Variants in AP2B1 observed in about 807,000 individuals in gnomAD.
AP2B1 encodes the protein AP-2 complex subunit beta.
Under a neutral mutation model 102.0 loss-of-function variants are expected in AP2B1, and 23 were observed. The ratio of observed to expected loss-of-function variants is 0.23; its 90% confidence interval spans 0.16 to 0.32. The LOEUF (loss-of-function observed/expected upper bound fraction) is 0.32. Among genes scored for constraint, AP2B1 ranks in the 10% least tolerant of loss-of-function variants. The pLI, the probability that AP2B1 is intolerant of heterozygous loss-of-function variation, is 1.00. For synonymous variants in AP2B1, 381 were observed against 421.2 expected, an observed-to-expected ratio of 0.90 and a Z score of 1.17; for missense variants, 541 against 1,157.4, an observed-to-expected ratio of 0.47 and a Z score of 7.73.
chr17:35,591,361 C>T lies in AP2B1; in HGVS notation c.-23-2647C>T, dbSNP rs571257425. Among the ~76,000 whole-genome samples, 16 of 152,004 alleles carry T rather than the reference C, an allele frequency of 1.1e-4. No individual in the cohort carries two copies. The East Asian group carries it at 1.7e-3, about 17-fold the overall frequency. On this transcript the variant is annotated intron_variant, in intron 1 of 21. Coordinates refer to ENST00000610402, the MANE Select transcript of AP2B1 (RefSeq NM_001030006.2). ...CTAATTTTTGTATTTTTATTAGAGACGGAGTTTCGCCACGTTCCCCAGACT... is the reference window on the plus strand; with the variant it reads ...CTAATTTTTGTATTTTTATTAGAGATGGAGTTTCGCCACGTTCCCCAGACT...
intron 17 of AP2B1, among the ~76,000 whole-genome samples, chr17:35,678,369 T>G (rs918377525): frequency 4.6e-5 from 7 of 152,194 alleles, no homozygotes; most frequent in East Asian, 1.9e-4. Flanking sequence ...TTCAATCTTA[T>G]GCCTTTTATT....
intron 13 of AP2B1, 131 bp from the exon 14 acceptor site, chr17:35,657,468 A>C (rs1598198467): frequency 1.6e-6 from 1 of 611,424 alleles, no homozygotes; most frequent in East Asian, 3.0e-5. Flanking sequence ...AAATGGTTAT[A>C]AAATCAGAGA....
At chr17:35,647,871 T>G (rs918822709) in intron 12 of AP2B1, among the ~76,000 whole-genome samples, 10 of 137,294 alleles carry the variant, frequency 7.3e-5, no homozygotes, top group African/African-American at 2.8e-4. Context: ...GGTTATGAGT[T>G]TTTTGGGTTT....
chr17:35,673,361 G>A (rs566305950), intron 16 of AP2B1, among the ~76,000 whole-genome samples: 1 of 152,060 alleles, frequency 6.6e-6, no homozygotes, highest in South Asian at 2.1e-4. Flanking sequence ...ATTTCTTTTT[G>A]TATTTTTAGT....
chr17:35,680,686 G>C (rs4795084), intron 17 of AP2B1, among the ~76,000 whole-genome samples: 3 of 59,932 alleles, frequency 5.0e-5, no homozygotes, highest in Admixed American at 3.4e-4. Flanking sequence ...TATGGTTTTG[G>C]TTTTTTTTTT....
intron 14 of AP2B1, among the ~76,000 whole-genome samples, chr17:35,665,268 C>T (rs1309990052): frequency 3.3e-5 from 5 of 151,382 alleles, no homozygotes; most frequent in East Asian, 2.0e-4. Context: ...GCTGGGTCTA[C>T]AGGCGCCCAC....
chr17:35,688,910 G>A (rs966746543), intron 18 of AP2B1, among the ~76,000 whole-genome samples: 2 of 152,200 alleles, frequency 1.3e-5, no homozygotes, highest in Non-Finnish European at 2.9e-5. Flanking sequence ...GTTGCAGTGA[G>A]TTGAGATTAC....
At chr17:35,681,281 A>G (rs79882882) in intron 17 of AP2B1, among the ~76,000 whole-genome samples, 1 of 151,516 alleles carries the variant, frequency 6.6e-6, no homozygotes, top group African/African-American at 2.4e-5. Flanking sequence ...TATGTAAGTG[A>G]AAAAAAAAGG....
chr17:35,649,291 G>A (rs1311674114), intron 12 of AP2B1, among the ~76,000 whole-genome samples: 3 of 151,756 alleles, frequency 2.0e-5, no homozygotes, highest in South Asian at 2.1e-4. Flanking sequence ...TTTTTGGAAC[G>A]GAGTTTTGCT....
chr17:35,668,183 G>A (rs1016083836), intron 14 of AP2B1, among the ~76,000 whole-genome samples: 4 of 151,814 alleles, frequency 2.6e-5, no homozygotes, highest in Non-Finnish European at 5.9e-5. Flanking sequence ...GTGATCAACC[G>A]GCCTCGGCTT....
intron 5 of AP2B1, among the ~76,000 whole-genome samples, chr17:35,622,544 C>G (rs2074209438): frequency 6.6e-6 from 1 of 152,160 alleles, no homozygotes; most frequent in Non-Finnish European, 1.5e-5. Flanking sequence ...CTTAATTTCT[C>G]TAGTTTTTAT....
rs3214169 is a variant in AP2B1 at position 35,691,976 on chromosome 17, C to CT, written c.2454+9159dup. Reference sequence around the variant, plus strand: ...GTCCTTAGTGAGAACACTCCTTTATCTTTTTTTATCAAGATAATCGAGAGT... The same window carrying CT: ...GTCCTTAGTGAGAACACTCCTTTATCTTTTTTTTATCAAGATAATCGAGAGT... On this transcript the variant is annotated intron_variant, in intron 18 of 21. Coordinates refer to ENST00000610402, the MANE Select transcript of AP2B1 (RefSeq NM_001030006.2). 4.4e-3 allele frequency among the ~76,000 whole-genome samples: 677 copies of CT among 152,262 alleles called. 20 individuals carry two copies. The East Asian group carries it at 0.081, about 18-fold the overall frequency.
At position 35,608,216 on chromosome 17, in the gene AP2B1, T is replaced by C; in HGVS notation, c.354T>C (p.Ile118=). The change falls in exon 5 of 22, where the codon ATT becomes ATC. Residue 118 remains isoleucine (I), a synonymous_variant. Coordinates refer to ENST00000610402, the MANE Select transcript of AP2B1 (RefSeq NM_001030006.2). ...RTMGCIRVDK[I]TEYLCEPLRK... Reference sequence around the variant, plus strand: ...TGGGGTGCATCCGGGTAGACAAAATTACAGAATATCTCTGTGAGCCGCTCC... The same window carrying C: ...TGGGGTGCATCCGGGTAGACAAAATCACAGAATATCTCTGTGAGCCGCTCC... 6.2e-7 allele frequency: 1 copy of C among 1,614,132 alleles called. No individual in the cohort carries two copies.
chr17:35,720,545 TTATATATATA>T (rs1213888032), intron 21 of AP2B1, among the ~76,000 whole-genome samples: 1 of 54,354 alleles, frequency 1.8e-5, no homozygotes, highest in South Asian at 8.5e-4. Context: ...TTTATTTTAT[TTATATATATA>T]TATATATATA....
intron 3 of AP2B1, among the ~76,000 whole-genome samples, 178 bp from the exon 4 acceptor site, chr17:35,605,527 G>A (rs1376583853): frequency 6.6e-6 from 1 of 152,210 alleles, no homozygotes; most frequent in Non-Finnish European, 1.5e-5. Flanking sequence ...TGGGATTATA[G>A]GCGTGAGCCA....
intron 12 of AP2B1, among the ~76,000 whole-genome samples, chr17:35,644,539 A>G (rs1283987792): frequency 1.3e-5 from 2 of 148,356 alleles, no homozygotes; most frequent in African/African-American, 2.5e-5. Flanking sequence ...CACCACGCCC[A>G]GCTAATTTTT....
chr17:35,626,176 A>G (rs1331322118), intron 6 of AP2B1, among the ~76,000 whole-genome samples: 1 of 152,182 alleles, frequency 6.6e-6, no homozygotes, highest in Admixed American at 6.5e-5. Context: ...TTACAATGAA[A>G]TCTTCAGCCA....
At chr17:35,603,448 G>A (rs2073558422) in intron 3 of AP2B1, among the ~76,000 whole-genome samples, 1 of 152,088 alleles carries the variant, frequency 6.6e-6, no homozygotes, top group South Asian at 2.1e-4. Flanking sequence ...TGTTTCCTGT[G>A]GCTTATAGGA....
chr17:35,587,542 A>T (rs2072933052), intron 1 of AP2B1, 114 bp downstream of exon 1: 1 of 152,798 alleles, frequency 6.5e-6, no homozygotes, highest in Non-Finnish European at 1.5e-5. Context: ...AAATCCTAAG[A>T]GCGTGACCGT....
Sources: allele counts gnomAD v4.1 joint callset (sites outside exome capture counted in the v4.1 genomes callset), GRCh38; gene constraint gnomAD v4.1.1; transcripts MANE v1.5; gene names NCBI Gene and HGNC (gene_info 2026-07-23, HGNC 2026-07-21).